The following CALY variants were observed in gnomAD, a reference collection of about 807,000 sequenced individuals.
The protein encoded by CALY is neuron-specific vesicular protein calcyon.
In CALY, 15 loss-of-function variants were observed where a neutral mutation model predicts 20.2. That is an observed-to-expected ratio of 0.74 (90% confidence interval 0.50 to 1.14). CALY has a LOEUF of 1.14. Among genes scored for constraint, CALY ranks in the 50% most tolerant of loss-of-function variants. The probability of loss-of-function intolerance (pLI) is 0.00; values close to 1 mark genes in which losing one functional copy is unlikely to be tolerated. For synonymous variants in CALY, 129 were observed against 131.8 expected (o/e 0.98, Z 0.15); for missense variants, 270 against 304.4 (o/e 0.89, Z 0.84).
In CALY at chr10:133,325,901, TC is replaced by T; in HGVS notation, c.579del (p.Lys194SerfsTer68). On this transcript the variant is annotated frameshift_variant, in exon 5 of 6. Coordinates refer to ENST00000252939, the MANE Select transcript of CALY (RefSeq NM_015722.4). LOFTEE classifies it high-confidence loss of function. Reference protein sequence around the residue: ...GAAAAATEPPGKPSAKAEKEA... With the variant: ...GAAAAATEPPXKPSAKAEKEA... Reference sequence around the variant, plus strand: ...TCCTTCTCCGCCTTGGCCGACGGCTTCCCGGGGGGTTCGGTGGCCGCCGCCG... The same window carrying T: ...TCCTTCTCCGCCTTGGCCGACGGCTTCCGGGGGGTTCGGTGGCCGCCGCCG... 7.8e-7 allele frequency: 1 copy of T among 1,290,128 alleles called. No individual in the cohort carries two copies. Among genetic ancestry groups the T allele is most frequent in the Non-Finnish European group, 9.8e-7 (1 of 1,018,490 alleles). The allele number at this position is 1,290,128 out of a possible 1,614,324, so 79.9% of individuals were successfully genotyped here.
intron 1 of CALY, among the ~76,000 whole-genome samples, chr10:133,335,896 C>A (rs1048997982): frequency 6.6e-6 from 1 of 152,058 alleles, no homozygotes; most frequent in African/African-American, 2.4e-5. Context: ...GTGAGTGAGG[C>A]CGTGCAGATG....
At chr10:133,330,713 G>A (rs1403363581) in intron 1 of CALY, among the ~76,000 whole-genome samples, 4 of 143,218 alleles carry the variant, frequency 2.8e-5, no homozygotes, top group Non-Finnish European at 4.5e-5. Context: ...AAGAACTCCA[G>A]GCGCAGACAG....
At chr10:133,327,127 G>A in intron 3 of CALY, 136 bp from the exon 4 acceptor site, 1 of 662,746 alleles carries the variant, frequency 1.5e-6, no homozygotes, top group Non-Finnish European at 2.7e-6. Flanking sequence ...TGGGCAGCCA[G>A]TGGCTTTTCC....
intron 1 of CALY, among the ~76,000 whole-genome samples, chr10:133,331,406 A>C (rs1052353833): frequency 4.6e-5 from 7 of 152,238 alleles, no homozygotes; most frequent in African/African-American, 7.2e-5. Flanking sequence ...CATAAGGATC[A>C]AAAAGTGAGT....
intron 4 of CALY, chr10:133,326,378 ACT>A (rs1286652051): frequency 8.9e-6 from 9 of 1,014,256 alleles, no homozygotes; most frequent in African/African-American, 1.6e-5. Context: ...CGCAGCAAGG[ACT>A]CTGCGGAGCG....
chr10:133,329,307 A>G (rs1416402208), intron 1 of CALY, among the ~76,000 whole-genome samples: 1 of 152,046 alleles, frequency 6.6e-6, no homozygotes, highest in Non-Finnish European at 1.5e-5. Flanking sequence ...CAGCTGCTCT[A>G]GACAACCTCC....
chr10:133,329,392 C>CTTTTTTTTTTTTTTTTTTTTT (rs112012967), intron 1 of CALY, among the ~76,000 whole-genome samples: 9 of 137,444 alleles, frequency 6.5e-5, no homozygotes, highest in African/African-American at 1.4e-4. Flanking sequence ...TCTTCTTCTT[C>CTTTTTTTTTTTTTTTTTTTTT]TTTTTTTTTT....
rs990759926 is a variant in CALY, at chr10:133,324,278, G to C, written c.*1317C>G. The C allele has an allele frequency of 4.4e-6, 2 of 452,308 alleles. No individual in the cohort carries two copies. The highest frequency in any genetic ancestry group is 2.0e-5 in the African/African-American group (1 of 49,976). 28.0% of individuals were successfully genotyped at this position (452,308 alleles called of 1,614,324 possible). On this transcript the variant is annotated 3_prime_UTR_variant, in exon 6 of 6. Coordinates refer to ENST00000252939, the MANE Select transcript of CALY (RefSeq NM_015722.4). Reference sequence around the variant, plus strand: ...TGGTGTGCATGGCCCTGCCTTCCCTGACCCCACCTGGCTGGCTTCCAGCTC... The same window carrying C: ...TGGTGTGCATGGCCCTGCCTTCCCTCACCCCACCTGGCTGGCTTCCAGCTC...
In CALY at chr10:133,324,304, A is replaced by C; in HGVS notation, c.*1291T>G. The C allele has an allele frequency of 2.2e-6, 1 of 455,076 alleles. No homozygotes were observed. Among genetic ancestry groups the C allele is most frequent in the Non-Finnish European group, 4.4e-6 (1 of 226,560 alleles). 28.2% of individuals were successfully genotyped at this position (455,076 alleles called of 1,614,324 possible). A position where few individuals can be genotyped will look rare whatever the true frequency, so the allele number is the denominator to read the frequency against. On this transcript the variant is annotated 3_prime_UTR_variant, in exon 6 of 6. Coordinates refer to ENST00000252939, the MANE Select transcript of CALY (RefSeq NM_015722.4). ...ACCCCACCTGGCTGGCTTCCAGCTC[A>C]CCATGGCTTCCCTGGCAGGCCCAGT...
At chr10:133,335,189 T>G in intron 1 of CALY, among the ~76,000 whole-genome samples, 1 of 148,862 alleles carries the variant, frequency 6.7e-6, no homozygotes, top group African/African-American at 2.5e-5. Context: ...GGGGTGGGGG[T>G]GCCGCTGAGG....
chr10:133,324,884 C>T lies in CALY; in HGVS notation c.*711G>A, dbSNP rs189122277. 97 of 277,040 alleles carry T rather than the reference C, an allele frequency of 3.5e-4. No individual in the cohort carries two copies. Among genetic ancestry groups the T allele is most frequent in the African/African-American group, 2.0e-3 (86 of 43,034 alleles). 17.2% of individuals were successfully genotyped at this position (277,040 alleles called of 1,614,324 possible). On this transcript the variant is annotated 3_prime_UTR_variant, in exon 6 of 6. Transcript: ENST00000252939. ...CTCCAGGGACACGGGAGACCCCAGC[C>T]CCCAGGAACCAGAGCTCACCCCTCA...
rs549430070 is a variant in CALY at position 133,329,392 on chromosome 10, C to CTTCTTCTTCTTTTTTT, written c.-20-384_-20-383insAAAAAAAGAAGAAGAA. On this transcript the variant is annotated intron_variant, in intron 1 of 5. Transcript: ENST00000252939. The stretch of plus-strand genomic sequence containing the variant: ...TCTTATTCTCCTTCTTCTTCTTCTT[C>CTTCTTCTTCTTTTTTT]TTTTTTTTTTTTGAGACAGGATCTT... Among the ~76,000 whole-genome samples the CTTCTTCTTCTTTTTTT allele has an allele frequency of 1.8e-3, 247 of 137,442 alleles. 1 individual carries two copies. The highest frequency in any genetic ancestry group is 3.2e-3 in the Non-Finnish European group (206 of 65,348). 90.2% of individuals were successfully genotyped at this position (137,442 alleles called of 152,430 possible).
intron 1 of CALY, among the ~76,000 whole-genome samples, chr10:133,331,259 C>T (rs746064596): frequency 2.6e-5 from 4 of 152,182 alleles, no homozygotes; most frequent in Non-Finnish European, 5.9e-5. Context: ...AGTTATGGTG[C>T]TGGAGGTCTC....
In CALY at chr10:133,331,763, A is replaced by T. The variant is rs554737841; in HGVS notation, c.-20-2754T>A. 1.6e-4 allele frequency among the ~76,000 whole-genome samples: 25 copies of T among 152,370 alleles called. No homozygotes were observed. The South Asian group carries it at 5.0e-3, about 30-fold the overall frequency. On this transcript the variant is annotated intron_variant, in intron 1 of 5. Coordinates refer to ENST00000252939, the MANE Select transcript of CALY (RefSeq NM_015722.4). ...TAAGCAAAATCCCAACAGGGTTTTT[A>T]AAATGAACTTGACAAGCACTGTCAT... is the stretch of plus-strand genomic sequence containing the variant.
At position 133,328,201 on chromosome 10, in the gene CALY, C is replaced by T. The variant is rs984224704; in HGVS notation, c.136-186G>A. Among the ~76,000 whole-genome samples the T allele has an allele frequency of 8.5e-5, 13 of 152,290 alleles. No homozygotes were observed. In the East Asian group the frequency reaches 1.2e-3, roughly 14 times the overall value. On this transcript the variant is annotated intron_variant, in intron 2 of 5. Transcript: ENST00000252939. ...CAAAGTGAGGCCAAGGGAAGGTGGA[C>T]GCTGAAAGTCTGTCTGCTGGGCGCA...
intron 2 of CALY, 54 bp downstream of exon 2, chr10:133,328,801 C>T: frequency 6.7e-7 from 1 of 1,501,272 alleles, no homozygotes; most frequent in South Asian, 1.2e-5. Flanking sequence ...ACCCCACACC[C>T]CTTTGTTCCC....
rs1424183485 is a variant in CALY at position 133,325,054 on chromosome 10, G to C, written c.*541C>G. On this transcript the variant is annotated 3_prime_UTR_variant, in exon 6 of 6. Coordinates refer to ENST00000252939, the MANE Select transcript of CALY (RefSeq NM_015722.4). ...GGTCCCCCGGGAGGCAGACACTCCTGTCAGAGGGGGAACGCCCGGGGCCCA... is the reference window on the plus strand; with the variant it reads ...GGTCCCCCGGGAGGCAGACACTCCTCTCAGAGGGGGAACGCCCGGGGCCCA... The C allele has an allele frequency of 6.4e-6, 1 of 155,592 alleles. No homozygotes were observed. The highest frequency in any genetic ancestry group is 1.4e-5 in the Non-Finnish European group (1 of 70,292). 9.6% of individuals were successfully genotyped at this position (155,592 alleles called of 1,614,324 possible).
chr10:133,333,495 G>C (rs1015393096), intron 1 of CALY, among the ~76,000 whole-genome samples: 115 of 146,290 alleles, frequency 7.9e-4, no homozygotes, highest in South Asian at 2.0e-3. Flanking sequence ...GGAAGGATCC[G>C]ACGCAGGGGG....
intron 1 of CALY, among the ~76,000 whole-genome samples, chr10:133,329,392 C>CTTCTTCTTTTTTTT (rs549430070): frequency 0.041 from 5,607 of 136,868 alleles, 229 homozygotes; most frequent in African/African-American, 0.086. Context: ...TCTTCTTCTT[C>CTTCTTCTTTTTTTT]TTTTTTTTTT....
Sources: allele counts gnomAD v4.1 joint callset (sites outside exome capture counted in the v4.1 genomes callset), GRCh38; gene constraint gnomAD v4.1.1; transcripts MANE v1.5; gene names NCBI Gene and HGNC (gene_info 2026-07-23, HGNC 2026-07-21).